Variants in ITPKC observed in about 807,000 individuals in gnomAD.
ITPKC encodes inositol-trisphosphate 3-kinase C.
Under a neutral mutation model 67.1 loss-of-function variants are expected in ITPKC, and 33 were observed. The observed-to-expected ratio is 0.49, with a 90% CI of 0.37 to 0.66. The LOEUF is 0.66. Among genes scored for constraint, ITPKC ranks in the 30% least tolerant of loss-of-function variants. The pLI, the probability that ITPKC is intolerant of heterozygous loss-of-function variation, is 0.00. For missense variants in ITPKC, 820 were observed against 892.1 expected (o/e 0.92, Z 1.03); for synonymous variants, 341 against 359.8 (o/e 0.95, Z 0.59).
chr19:40,729,435 G>A lies in ITPKC; in HGVS notation c.1469+20G>A. 1 of 1,600,240 alleles carries A rather than the reference G, an allele frequency of 6.2e-7. No individual in the cohort carries two copies. The highest frequency in any genetic ancestry group is 1.7e-5 in the Admixed American group (1 of 58,548). ...CAGCAGGTGGGGCTGGGGCAGCCCT[G>A]GGGCAGGGATGGAGGGCAGGGGGTG... On this transcript the variant is annotated intron_variant, in intron 3 of 6. Transcript: ENST00000263370.
At chr19:40,723,283 G>C (rs1244473929) in intron 1 of ITPKC, among the ~76,000 whole-genome samples, 1 of 152,088 alleles carries the variant, frequency 6.6e-6, no homozygotes, top group East Asian at 1.9e-4. Flanking sequence ...ATTTTGTAGA[G>C]ATGGGGTCTT....
At chr19:40,729,163 T>TC in intron 2 of ITPKC, 39 bp from the exon 3 acceptor site, 3 of 1,540,832 alleles carry the variant, frequency 1.9e-6, no homozygotes, top group Non-Finnish European at 2.7e-6. Context: ...CTCTTCCTGA[T>TC]CCAGTTCCTG....
At chr19:40,722,975 T>G (rs1033061524) in intron 1 of ITPKC, among the ~76,000 whole-genome samples, 1 of 151,908 alleles carries the variant, frequency 6.6e-6, no homozygotes, top group Admixed American at 6.6e-5. Context: ...ATTTATTTAT[T>G]TTTTGAGATG....
At chr19:40,727,311 G>A (rs1599650843) in intron 2 of ITPKC, among the ~76,000 whole-genome samples, 1 of 151,882 alleles carries the variant, frequency 6.6e-6, no homozygotes, top group East Asian at 1.9e-4. Flanking sequence ...TCCAGCCTGG[G>A]TGACAGAGCG....
intron 1 of ITPKC, among the ~76,000 whole-genome samples, chr19:40,723,599 C>T (rs1599648987): frequency 6.6e-6 from 1 of 151,956 alleles, no homozygotes; most frequent in Non-Finnish European, 1.5e-5. Context: ...CGGGTTCAAA[C>T]GACTCTCATG....
Position 40,740,599 on chromosome 19 carries a change from GC to G in ITPKC, c.*1043del, listed in dbSNP as rs1362915970. The G allele has an allele frequency of 2.1e-5, 5 of 233,746 alleles. No homozygotes were observed. The highest frequency in any genetic ancestry group is 3.3e-5 in the Non-Finnish European group (4 of 120,412). The allele number at this position is 233,746 out of a possible 1,614,324, so 14.5% of individuals were successfully genotyped here. A position where few individuals can be genotyped will look rare whatever the true frequency, so the allele number is the denominator to read the frequency against. On this transcript the variant is annotated 3_prime_UTR_variant, in exon 7 of 7. Transcript: ENST00000263370. ...GTAGAACCCTGGGGTGTGGCTAACGGCCCCTCCAGCACCCATAGCCAGGTCT... is the reference window on the plus strand; with the variant it reads ...GTAGAACCCTGGGGTGTGGCTAACGGCCCTCCAGCACCCATAGCCAGGTCT...
chr19:40,733,639 T>C (rs1188401223), intron 4 of ITPKC, among the ~76,000 whole-genome samples: 5 of 152,230 alleles, frequency 3.3e-5, no homozygotes, highest in Non-Finnish European at 5.9e-5. Flanking sequence ...TCTGTCTCCC[T>C]GGGCATCCTG....
chr19:40,731,091 A>T (rs2082268550), intron 3 of ITPKC, among the ~76,000 whole-genome samples: 1 of 152,150 alleles, frequency 6.6e-6, no homozygotes, highest in South Asian at 2.1e-4. Context: ...GAGTGGCTCA[A>T]ATAACTCAGG....
rs913354890 is a variant in ITPKC at position 40,729,240 on chromosome 19, C to T, written c.1294C>T (p.Arg432Cys). 1.9e-6 allele frequency: 3 copies of T among 1,613,994 alleles called. No homozygotes were observed. The highest frequency in any genetic ancestry group is 2.2e-5 in the East Asian group (1 of 44,882). ...AGGAGAGGATGGTCGGATTCTGAAA[C>T]GTTTCTGTCAGTGTGAGCAGCGCAG... ...QAGEDGRILK[R>C]FCQCEQRSLE... The change falls in exon 3 of 7, where the codon CGT (arginine) becomes TGT (cysteine). Residue 432 changes from arginine to cysteine, a missense_variant. Arg to Cys is a radical substitution (Grantham distance 180). Around this residue, in one of 2 missense-constraint regions of ITPKC, gnomAD observed 339 missense variants for 422.0 expected, o/e 0.80. Coordinates refer to ENST00000263370, the MANE Select transcript of ITPKC (RefSeq NM_025194.3).
At chr19:40,737,575 C>A in intron 5 of ITPKC, 123 bp from the exon 6 acceptor site, 1 of 816,104 alleles carries the variant, frequency 1.2e-6, no homozygotes, top group Admixed American at 1.8e-5. Flanking sequence ...CCCATGGCTC[C>A]CCTATTCCAT....
Position 40,718,227 on chromosome 19 carries a change from C to G in ITPKC, c.1092C>G (p.Asp364Glu), listed in dbSNP as rs143757004. ...GCTTCTCCTCTGCCTCTTCTTTCGA[C>G]GAGTCTGAGGATGACGTGGTGGCCG... is the stretch of plus-strand genomic sequence containing the variant. ...SGGFSSASSF[D>E]ESEDDVVAGG... Residue 364 changes from aspartate to glutamate, a missense_variant, in exon 1 of 7, where the codon GAC becomes GAG. Around this residue, in one of 2 missense-constraint regions of ITPKC, gnomAD observed 481 missense variants for 470.1 expected, o/e 1.02. Transcript: ENST00000263370. 2.5e-4 allele frequency: 389 copies of G among 1,543,242 alleles called. 1 individual carries two copies. Among genetic ancestry groups the G allele is most frequent in the Admixed American group, 3.9e-4 (20 of 50,874 alleles).
intron 6 of ITPKC, 125 bp downstream of exon 6, chr19:40,737,894 T>C (rs2082302146): frequency 1.3e-6 from 1 of 755,540 alleles, no homozygotes; most frequent in East Asian, 2.7e-5. Flanking sequence ...CCCGCACCTG[T>C]AATACCAGCA....
At chr19:40,734,639 C>T (rs2082286459) in intron 4 of ITPKC, among the ~76,000 whole-genome samples, 1 of 151,772 alleles carries the variant, frequency 6.6e-6, no homozygotes, top group South Asian at 2.1e-4. Flanking sequence ...GAAAGAGTCT[C>T]GCTCTGTCAC....
intron 6 of ITPKC, 33 bp downstream of exon 6, chr19:40,737,802 G>A: frequency 6.4e-7 from 1 of 1,554,924 alleles, no homozygotes; most frequent in Non-Finnish European, 8.9e-7. Flanking sequence ...GTGGATGTAT[G>A]GGTGTCGGGG....
Position 40,717,161 on chromosome 19 carries a change from G to C in ITPKC, c.26G>C (p.Ser9Thr), listed in dbSNP as rs2082192766. Residue 9 changes from serine (S) to threonine (T), a missense_variant, in exon 1 of 7, where the codon AGC becomes ACC. By Grantham distance (58) the Ser-to-Thr change is moderately conservative (BLOSUM62 1). This residue lies in a region of ITPKC where 481 missense variants were observed against 470.1 expected (regional missense o/e 1.02). Coordinates refer to ENST00000263370, the MANE Select transcript of ITPKC (RefSeq NM_025194.3). MRRCPCRG[S>T]LNEAEAGALP... is the part of the protein sequence containing the mutation. ...ATGAGGCGCTGCCCGTGCCGTGGGA[G>C]CCTGAACGAGGCGGAGGCCGGGGCG... The C allele has an allele frequency of 8.1e-7, 1 of 1,227,356 alleles. No individual in the cohort carries two copies. The highest frequency in any genetic ancestry group is 1.0e-6 in the Non-Finnish European group (1 of 985,364). The allele number at this position is 1,227,356 out of a possible 1,614,324, so 76.0% of individuals were successfully genotyped here. A position where few individuals can be genotyped will look rare whatever the true frequency, so the allele number is the denominator to read the frequency against.
chr19:40,725,598 C>T (rs773298467), intron 2 of ITPKC, among the ~76,000 whole-genome samples, 159 bp downstream of exon 2: 9 of 152,196 alleles, frequency 5.9e-5, no homozygotes, highest in African/African-American at 1.7e-4. Flanking sequence ...CCTGGCCCTT[C>T]GTATGTCAGG....
At chr19:40,727,855 C>T (rs1443005535) in intron 2 of ITPKC, among the ~76,000 whole-genome samples, 1 of 152,126 alleles carries the variant, frequency 6.6e-6, no homozygotes, top group Non-Finnish European at 1.5e-5. Flanking sequence ...CTCAGTGTTG[C>T]CCAGGCGGGA....
intron 1 of ITPKC, among the ~76,000 whole-genome samples, chr19:40,724,967 G>T (rs1243466954): frequency 6.9e-6 from 1 of 145,670 alleles, no homozygotes. Flanking sequence ...AAAAAAAGAA[G>T]ATTTGGAACT....
intron 3 of ITPKC, among the ~76,000 whole-genome samples, chr19:40,731,629 G>C (rs1319545154): frequency 7.5e-6 from 1 of 133,288 alleles, no homozygotes; most frequent in Admixed American, 7.9e-5. Context: ...TTGAGAGGGA[G>C]TCTTGCTCTG....
Sources: gnomAD v4.1 joint callset for allele counts (sites outside exome capture counted in the v4.1 genomes callset) on GRCh38, gnomAD v4.1.1 for gene constraint, gnomAD v4.1.1 regional missense constraint, MANE v1.5 for transcripts, NCBI Gene and HGNC (gene_info 2026-07-23, HGNC 2026-07-21) for gene names.